EPB41: variants seen among roughly 807,000 people sequenced by gnomAD.
The protein encoded by EPB41 is erythrocyte membrane protein band 4.1.
A neutral mutation model predicts 108.0 loss-of-function variants in EPB41; 65 were observed. That is an observed-to-expected ratio of 0.60 (90% CI 0.49 to 0.74). EPB41 has a LOEUF of 0.74. Ranked by LOEUF, EPB41 falls within the 30% of genes least tolerant of loss-of-function variation. The pLI, the probability that EPB41 is intolerant of heterozygous loss-of-function variation, is 0.00. For missense variants in EPB41, 875 were observed against 1,037.0 expected (o/e 0.84, Z 2.15); for synonymous variants, 336 against 358.9 (o/e 0.94, Z 0.72).
intron 16 of EPB41, among the ~76,000 whole-genome samples, chr1:29,092,999 T>C (rs1177585799): frequency 1.3e-5 from 2 of 152,220 alleles, no homozygotes; most frequent in Non-Finnish European, 2.9e-5. Flanking sequence ...TTGTGAATAG[T>C]GCTACAATAA....
At chr1:29,056,002 C>T (rs909783287) in intron 12 of EPB41, among the ~76,000 whole-genome samples, 4 of 149,830 alleles carry the variant, frequency 2.7e-5, no homozygotes, top group Admixed American at 6.7e-5. Flanking sequence ...TTTGGGAGGC[C>T]GAGGCAGGCG....
chr1:29,003,964 T>C (rs898977760), intron 4 of EPB41, among the ~76,000 whole-genome samples: 1 of 152,178 alleles, frequency 6.6e-6, no homozygotes, highest in Non-Finnish European at 1.5e-5. Flanking sequence ...AGTTTCACCA[T>C]GTTGGTCAGG....
rs181773366 is a variant in EPB41, at chr1:29,021,675, C to T, written c.1124+3233C>T. ...TCCGCTCACTGCAAGCTCCGTCTCC[C>T]GGGTTCACATCATTCTCCTGCCTCG... On this transcript the variant is annotated intron_variant, in intron 7 of 20. Transcript: ENST00000343067. Among the ~76,000 whole-genome samples, 565 of 151,804 alleles carry T rather than the reference C, an allele frequency of 3.7e-3. 1 individual carries two copies. The highest frequency in any genetic ancestry group is 6.7e-3 in the African/African-American group (279 of 41,396).
chr1:28,897,463 C>T (rs2090789046), intron 1 of EPB41, among the ~76,000 whole-genome samples: 1 of 151,618 alleles, frequency 6.6e-6, no homozygotes, highest in Non-Finnish European at 1.5e-5. Context: ...GTGGGAGGAT[C>T]CCTTGAGCCC....
chr1:29,070,823 C>A, intron 16 of EPB41: 1 of 662,830 alleles, frequency 1.5e-6, no homozygotes, highest in Non-Finnish European at 2.1e-6. Context: ...CCAAAGCCAG[C>A]TTTTCTGCAT....
chr1:29,077,029 C>T (rs1308693095), intron 16 of EPB41, among the ~76,000 whole-genome samples: 1 of 152,172 alleles, frequency 6.6e-6, no homozygotes, highest in Non-Finnish European at 1.5e-5. Flanking sequence ...TGATTAATCA[C>T]AGGTGGCGAT....
intron 1 of EPB41, among the ~76,000 whole-genome samples, chr1:28,904,726 T>C: frequency 6.6e-6 from 1 of 151,776 alleles, no homozygotes; most frequent in South Asian, 2.1e-4. Context: ...GGTAAAACCT[T>C]GTCTCTACTA....
At chr1:28,948,079 A>T (rs2094551219) in intron 1 of EPB41, among the ~76,000 whole-genome samples, 1 of 152,144 alleles carries the variant, frequency 6.6e-6, no homozygotes. Flanking sequence ...ATACTGTAGA[A>T]GTTATATCTA....
In EPB41 at chr1:28,887,755, T is replaced by C; in HGVS notation, c.-8+545T>C. The stretch of plus-strand genomic sequence containing the variant: ...CCGACCCGCCAGCTGGGGCGCCGGC[T>C]GTGCCCGCCAGGGTGGCCCCCCCGG... On this transcript the variant is annotated intron_variant, in intron 1 of 16. Transcript: ENST00000347529. The surrounding 1 kb of genome is among the most constrained non-coding windows in gnomAD (Gnocchi z 4.9). The C allele has an allele frequency of 1.1e-6, 1 of 933,154 alleles. No individual in the cohort carries two copies. The highest frequency in any genetic ancestry group is 1.3e-6 in the Non-Finnish European group (1 of 782,112). 57.8% of individuals were successfully genotyped at this position (933,154 alleles called of 1,614,324 possible).
Position 28,941,515 on chromosome 1 carries a change from AT to A in EPB41, c.-8+26750del, listed in dbSNP as rs572251949. On this transcript the variant is annotated intron_variant, in intron 1 of 20. Transcript: ENST00000343067. ...GAATTTTTACTGAGTCATAAGAAAT[AT>A]TTGTCAAATGTTACCTAAGCTGTAG... is the stretch of plus-strand genomic sequence containing the variant. Among the ~76,000 whole-genome samples, 147 of 152,322 alleles carry A rather than the reference AT, an allele frequency of 9.7e-4. 1 individual carries two copies. The highest frequency in any genetic ancestry group is 3.4e-3 in the African/African-American group (143 of 41,576).
chr1:28,927,347 A>G (rs2093503432), intron 1 of EPB41, among the ~76,000 whole-genome samples: 1 of 152,130 alleles, frequency 6.6e-6, no homozygotes, highest in Non-Finnish European at 1.5e-5. Context: ...AATTCACCCC[A>G]ATTCTGGGTT....
intron 1 of EPB41, among the ~76,000 whole-genome samples, chr1:28,915,151 T>TG (rs2092526262): frequency 6.6e-6 from 1 of 152,130 alleles, no homozygotes; most frequent in South Asian, 2.1e-4. Context: ...GTGAAGGTGT[T>TG]GCGTGCAGCC....
chr1:29,091,113 C>T (rs1661027889), intron 16 of EPB41, among the ~76,000 whole-genome samples: 1 of 152,158 alleles, frequency 6.6e-6, no homozygotes, highest in African/African-American at 2.4e-5. Flanking sequence ...TAATTTAACT[C>T]AGCAGTAGGC....
At position 28,888,690 on chromosome 1, in the gene EPB41, C is replaced by A. The variant is rs187939427; in HGVS notation, c.-8+1480C>A. ...TCGCCCAGGCTAGAGTGCAGTGTCG[C>A]GATCTCGGCCCACTGCAAGCTCCGC... On this transcript the variant is annotated intron_variant, in intron 1 of 16. Transcript: ENST00000347529. Among the ~76,000 whole-genome samples, 398 of 152,300 alleles carry A rather than the reference C, an allele frequency of 2.6e-3. 5 individuals are homozygous for A. Among genetic ancestry groups the A allele is most frequent in the African/African-American group, 9.1e-3 (379 of 41,550 alleles).
At chr1:29,029,997 C>T (rs1365813921) in intron 7 of EPB41, among the ~76,000 whole-genome samples, 3 of 152,104 alleles carry the variant, frequency 2.0e-5, no homozygotes, top group African/African-American at 7.2e-5. Context: ...TAAATTACAC[C>T]ATGCCCTCTG....
intron 1 of EPB41, chr1:28,889,938 C>A: frequency 1.9e-6 from 1 of 525,338 alleles, no homozygotes; most frequent in Non-Finnish European, 2.4e-6. Flanking sequence ...GCAGAATGGG[C>A]CTGTATGACA....
rs762345747 is a variant in EPB41 at position 29,115,306 on chromosome 1, C to A, written c.2497-393C>A. On this transcript the variant is annotated intron_variant, in intron 19 of 20. Transcript: ENST00000343067. The surrounding 1 kb of genome is among the most constrained non-coding windows in gnomAD (Gnocchi z 4.4). Reference sequence around the variant, plus strand: ...TACTCAGGAGGCTGAAGCAGGAGAACTGCTTGAACCTGGGAGGCGGAGGTT... The same window carrying A: ...TACTCAGGAGGCTGAAGCAGGAGAAATGCTTGAACCTGGGAGGCGGAGGTT... Among the ~76,000 whole-genome samples the A allele has an allele frequency of 2.6e-5, 4 of 152,044 alleles. No homozygotes were observed. Among genetic ancestry groups the A allele is most frequent in the Non-Finnish European group, 5.9e-5 (4 of 67,992 alleles).
At chr1:28,955,354 T>G (rs1426757196) in intron 1 of EPB41, among the ~76,000 whole-genome samples, 2 of 152,140 alleles carry the variant, frequency 1.3e-5, no homozygotes, top group Non-Finnish European at 2.9e-5. Context: ...TTATTCTTTT[T>G]TTTTTTGAGA....
chr1:29,002,988 G>T (rs1355611261), intron 4 of EPB41, among the ~76,000 whole-genome samples: 1 of 152,120 alleles, frequency 6.6e-6, no homozygotes, highest in East Asian at 1.9e-4. Context: ...ACTTCCTTTA[G>T]GTTTCAGTTT....
Sources: gnomAD v4.1 joint callset for allele counts (sites outside exome capture counted in the v4.1 genomes callset) on GRCh38, gnomAD v4.1.1 for gene constraint, Gnocchi (gnomAD v3.1) non-coding constraint, MANE v1.5 for transcripts, NCBI Gene and HGNC (gene_info 2026-07-23, HGNC 2026-07-21) for gene names.